The following SLC8A1 variants were observed in gnomAD, a reference collection of about 807,000 sequenced individuals.
SLC8A1 encodes solute carrier family 8 member A1, also known as sodium/calcium exchanger 1.
A neutral mutation model predicts 68.3 loss-of-function variants in SLC8A1; 18 were observed. The ratio of observed to expected loss-of-function variants is 0.26; its 90% CI spans 0.18 to 0.39. The LOEUF (loss-of-function observed/expected upper bound fraction) is 0.39, where lower values mean the gene tolerates loss of function less well. Among genes scored for constraint, SLC8A1 ranks in the 10% least tolerant of loss-of-function variants. The probability of loss-of-function intolerance (pLI) is 1.00; values close to 1 mark genes in which losing one functional copy is unlikely to be tolerated. For synonymous variants in SLC8A1, 475 were observed against 415.5 expected, an observed-to-expected ratio of 1.14 and a Z score of -1.74; for missense variants, 985 against 1,156.7, an observed-to-expected ratio of 0.85 and a Z score of 2.15.
exon 8 of SLC8A1, chr2:40,106,651 G>C (rs547201745): frequency 1.3e-5 from 2 of 152,148 alleles, no homozygotes; most frequent in African/African-American, 4.8e-5. Context: ...TTAGAGTTTT[G>C]GACTGAAACT....
At chr2:40,168,492 G>C (rs1374501920) in intron 4 of SLC8A1, among the ~76,000 whole-genome samples, 5 of 152,132 alleles carry the variant, frequency 3.3e-5, no homozygotes, top group African/African-American at 7.2e-5. Flanking sequence ...CAGCTGTATA[G>C]ATTCTATTAT....
chr2:40,342,432 G>A lies in SLC8A1; in HGVS notation c.1808+86041C>T, dbSNP rs533623451. Among the ~76,000 whole-genome samples the A allele has an allele frequency of 9.2e-5, 14 of 152,226 alleles. No homozygotes were observed. The South Asian group carries it at 2.3e-3, about 25-fold the overall frequency. ...GATACAGAAATTTTGTTGTTGTAGA[G>A]ATAATTAGAGTGGGATTTGTTAGAT... On this transcript the variant is annotated intron_variant, in intron 2 of 7. Transcript: ENST00000406785.
chr2:40,224,079 T>C (rs1004927323), intron 2 of SLC8A1, among the ~76,000 whole-genome samples: 1 of 152,162 alleles, frequency 6.6e-6, no homozygotes, highest in Admixed American at 6.5e-5. Flanking sequence ...AGGCCTGGAA[T>C]GTTCGCTTCG....
At chr2:40,404,827 G>A (rs2149673983) in intron 2 of SLC8A1, among the ~76,000 whole-genome samples, 1 of 152,300 alleles carries the variant, frequency 6.6e-6, no homozygotes, top group South Asian at 2.1e-4. Flanking sequence ...TCAAATGAAT[G>A]CTGAAAAGTA....
intron 2 of SLC8A1, among the ~76,000 whole-genome samples, chr2:40,381,953 G>T (rs1254617471): frequency 6.6e-6 from 1 of 151,836 alleles, no homozygotes; most frequent in Non-Finnish European, 1.5e-5. Context: ...ATTTTAGTCA[G>T]TCAGGAGGAT....
chr2:40,422,852 G>A (rs1236907923), intron 2 of SLC8A1, among the ~76,000 whole-genome samples: 1 of 151,914 alleles, frequency 6.6e-6, no homozygotes, highest in African/African-American at 2.4e-5. Flanking sequence ...AATAGAAAAG[G>A]GTTCAAATCC....
At chr2:40,468,115 T>A (rs1703798662) in intron 1 of SLC8A1, among the ~76,000 whole-genome samples, 1 of 152,102 alleles carries the variant, frequency 6.6e-6, no homozygotes, top group Admixed American at 6.6e-5. Context: ...ATATACCCAT[T>A]TATTTTAATT....
chr2:40,328,368 A>C (rs183508656), intron 2 of SLC8A1, among the ~76,000 whole-genome samples: 2 of 152,132 alleles, frequency 1.3e-5, no homozygotes, highest in East Asian at 3.9e-4. Flanking sequence ...GTGGAGGTTT[A>C]TCTCCTCTGC....
intron 2 of SLC8A1, among the ~76,000 whole-genome samples, chr2:40,361,253 C>A (rs1305264165): frequency 1.3e-5 from 2 of 152,088 alleles, no homozygotes; most frequent in South Asian, 4.1e-4. Context: ...ACATAATGAA[C>A]AGGATGGTTA....
intron 6 of SLC8A1, among the ~76,000 whole-genome samples, chr2:40,150,452 GC>G (rs2148369961): frequency 6.6e-6 from 1 of 152,234 alleles, no homozygotes; most frequent in South Asian, 2.1e-4. Flanking sequence ...GCATACAAAG[GC>G]TCCCGACTGG....
chr2:40,410,571 C>A (rs954814967), intron 2 of SLC8A1, among the ~76,000 whole-genome samples: 2 of 151,720 alleles, frequency 1.3e-5, no homozygotes, highest in Admixed American at 1.3e-4. Flanking sequence ...AAAATGTATT[C>A]TTTTATTTTT....
At chr2:40,292,919 T>C (rs116591917) in intron 2 of SLC8A1, among the ~76,000 whole-genome samples, 2 of 152,284 alleles carry the variant, frequency 1.3e-5, no homozygotes, top group African/African-American at 4.8e-5. Flanking sequence ...CATTTGGAAA[T>C]TGATCTCAAC....
At chr2:40,418,904 T>C (rs1415338288) in intron 2 of SLC8A1, among the ~76,000 whole-genome samples, 1 of 151,698 alleles carries the variant, frequency 6.6e-6, no homozygotes, top group Non-Finnish European at 1.5e-5. Flanking sequence ...GCTCCTAGAG[T>C]GGACAGCAAC....
chr2:40,295,105 ATT>A (rs537124088), intron 2 of SLC8A1, among the ~76,000 whole-genome samples: 5 of 147,004 alleles, frequency 3.4e-5, no homozygotes, highest in Admixed American at 1.4e-4. Flanking sequence ...AACAATTATT[ATT>A]TTTTTTTTTT....
At chr2:40,429,984 G>A (rs369867747) in exon 2 of SLC8A1, 33 of 1,613,630 alleles carry the variant, frequency 2.0e-5, no homozygotes, top group Non-Finnish European at 2.3e-5. Context: ...TAGAGGACAT[G>A]AACCGATCAG....
chr2:40,106,965 T>G (rs1401962839), exon 8 of SLC8A1: 1 of 152,162 alleles, frequency 6.6e-6, no homozygotes, highest in Non-Finnish European at 1.5e-5. Context: ...ACCAACTGTT[T>G]GAAAGGGCTA....
chr2:40,314,400 T>G (rs2074164365), intron 2 of SLC8A1, among the ~76,000 whole-genome samples: 1 of 151,996 alleles, frequency 6.6e-6, no homozygotes, highest in African/African-American at 2.4e-5. Context: ...GCTTGGTACC[T>G]GAAACAATAA....
At chr2:40,500,709 C>T (rs1431173846) in intron 1 of SLC8A1, among the ~76,000 whole-genome samples, 1 of 150,808 alleles carries the variant, frequency 6.6e-6, no homozygotes, top group Non-Finnish European at 1.5e-5. Flanking sequence ...TTATTAATAG[C>T]TCCCTCTTTC....
At chr2:40,214,132 T>C (rs1249074879) in intron 2 of SLC8A1, among the ~76,000 whole-genome samples, 1 of 152,182 alleles carries the variant, frequency 6.6e-6, no homozygotes, top group Non-Finnish European at 1.5e-5. Context: ...CCCATACATT[T>C]TCCATGTATG....
Sources: allele counts gnomAD v4.1 joint callset (sites outside exome capture counted in the v4.1 genomes callset), GRCh38; gene constraint gnomAD v4.1.1; transcripts MANE v1.5; gene names NCBI Gene and HGNC (gene_info 2026-07-23, HGNC 2026-07-21).